Variants in ASPSCR1 observed in about 807,000 individuals in gnomAD.
The protein encoded by ASPSCR1 is tether containing UBX domain for GLUT4.
Under a neutral mutation model 68.9 loss-of-function variants are expected in ASPSCR1, and 55 were observed. The ratio of observed to expected loss-of-function variants is 0.80; its 90% CI spans 0.64 to 1.00. The LOEUF is 1.00. ASPSCR1 is among the 50% of genes least tolerant of loss of function. ASPSCR1 has a pLI of 0.00. For synonymous variants in ASPSCR1, 352 were observed against 332.6 expected (o/e 1.06, Z -0.63); for missense variants, 765 against 762.2 (o/e 1.00, Z -0.04).
At position 82,009,500 on chromosome 17, in the gene ASPSCR1, A is replaced by C. The variant is rs769008728; in HGVS notation, c.1103A>C (p.Glu368Ala). Residue 368 changes from glutamate to alanine, a missense_variant, in exon 9 of 16, where the codon GAA (glutamate) becomes GCA (alanine). Physicochemically the swap from Glu to Ala is moderately radical, Grantham distance 107. Transcript: ENST00000306739. The part of the protein sequence containing the change: ...QLKSERKRLE[E>A]APLVTKAFRE... ...CCTCACCACAGGAAGCGCCTGGAAG[A>C]AGCCCCCTTGGTGACCAAGGCCTTC... 37 of 1,582,708 alleles carry C rather than the reference A, an allele frequency of 2.3e-5. No individual in the cohort carries two copies. In the South Asian group the frequency reaches 4.3e-4, roughly 18 times the overall value.
At chr17:81,994,946 G>C (rs981605515) in intron 5 of ASPSCR1, 68 bp downstream of exon 5, 3 of 1,496,658 alleles carry the variant, frequency 2.0e-6, no homozygotes, top group African/African-American at 1.4e-5. Flanking sequence ...TGGAAAATCT[G>C]CTGTCCCGCA....
chr17:82,015,785 T>G, intron 12 of ASPSCR1: 1 of 212,978 alleles, frequency 4.7e-6, no homozygotes, highest in Non-Finnish European at 9.5e-6. Context: ...GCCCCCTTCC[T>G]GGCTCCCCAG....
chr17:81,994,584 C>T (rs556418187), intron 4 of ASPSCR1, among the ~76,000 whole-genome samples: 2 of 151,612 alleles, frequency 1.3e-5, no homozygotes, highest in African/African-American at 2.4e-5. Context: ...CCCCAGGCCA[C>T]GCACCACAGG....
chr17:81,978,137 A>G (rs1405473486), intron 1 of ASPSCR1: 1 of 157,918 alleles, frequency 6.3e-6, no homozygotes, highest in Non-Finnish European at 1.4e-5. Flanking sequence ...GCGCGGTGGC[A>G]GATGTCCCGG....
intron 12 of ASPSCR1, chr17:82,014,609 GCCTC>G (rs1462710346): frequency 1.2e-5 from 2 of 170,866 alleles, no homozygotes; most frequent in African/African-American, 4.8e-5. Flanking sequence ...CTGTGGTGCC[GCCTC>G]CCTCCCGGGC....
chr17:82,016,399 C>A, intron 12 of ASPSCR1, 77 bp from the exon 13 acceptor site: 1 of 1,359,132 alleles, frequency 7.4e-7, no homozygotes, highest in Non-Finnish European at 1.0e-6. Flanking sequence ...GGGCCTGGCC[C>A]TGGGGGTGTA....
chr17:81,984,194 G>T (rs769945901), intron 3 of ASPSCR1, among the ~76,000 whole-genome samples: 3 of 152,110 alleles, frequency 2.0e-5, no homozygotes, highest in Non-Finnish European at 2.9e-5. Context: ...TTTCTTTCTG[G>T]GGTCAGTTGT....
intron 7 of ASPSCR1, among the ~76,000 whole-genome samples, chr17:82,003,249 C>G (rs762224849): frequency 2.4e-4 from 37 of 152,334 alleles, no homozygotes; most frequent in Non-Finnish European, 4.9e-4. Flanking sequence ...GGTTTTAGAC[C>G]AGCCTGGGCA....
chr17:82,017,366 C>A lies in ASPSCR1; in HGVS notation c.*44C>A. The stretch of plus-strand genomic sequence containing the variant: ...GCCCACTCCGCCAGCCACAGGACCA[C>A]CTCCTCTGCCAGCAGGAATAAAGAC... On this transcript the variant is annotated 3_prime_UTR_variant, in exon 16 of 16. Transcript: ENST00000306739. 1 of 1,612,026 alleles carries A rather than the reference C, an allele frequency of 6.2e-7. No individual in the cohort carries two copies. Among genetic ancestry groups the A allele is most frequent in the South Asian group, 1.1e-5 (1 of 91,084 alleles).
At chr17:81,997,983 C>T (rs1004437827) in intron 7 of ASPSCR1, among the ~76,000 whole-genome samples, 7 of 151,828 alleles carry the variant, frequency 4.6e-5, no homozygotes, top group African/African-American at 1.7e-4. Context: ...TGTGCCACCA[C>T]GCCCAGCTAA....
At chr17:81,996,984 G>C (rs1432588886) in intron 7 of ASPSCR1, 138 bp downstream of exon 7, 4 of 1,486,548 alleles carry the variant, frequency 2.7e-6, no homozygotes, top group Admixed American at 2.3e-5. Flanking sequence ...GAACCCAAAC[G>C]CGGGGCTCTG....
rs374074151 is a variant in ASPSCR1, at chr17:82,017,273, G to A, written c.1649-36G>A. 9 of 1,609,602 alleles carry A rather than the reference G, an allele frequency of 5.6e-6. No individual in the cohort carries two copies. In the African/African-American group the frequency reaches 8.0e-5, roughly 14 times the overall value. On this transcript the variant is annotated intron_variant, in intron 15 of 15. Transcript: ENST00000306739. ...GCGGGTGGCCGGGTGGTGAGAGCCC[G>A]GGGTGTGTGGTCACCCTGATGTGTC...
chr17:81,987,514 C>T lies in ASPSCR1; in HGVS notation c.374+1907C>T, dbSNP rs76591849. ...ACAGGTGCTTGGTGAGGGCCGTCCT[C>T]CCTGGCTGTGCTGTCAGTCCTCAGA... On this transcript the variant is annotated intron_variant, in intron 4 of 15. Transcript: ENST00000306739. This position sits in a 1 kb window ranked among gnomAD's most constrained non-coding sequence, Gnocchi z 5.6. Among the ~76,000 whole-genome samples the T allele has an allele frequency of 0.024, 3,629 of 152,308 alleles. 44 individuals carry two copies. The highest frequency in any genetic ancestry group is 0.037 in the East Asian group (189 of 5,178).
At chr17:81,981,985 T>C (rs1456493014) in intron 2 of ASPSCR1, among the ~76,000 whole-genome samples, 1 of 148,870 alleles carries the variant, frequency 6.7e-6, no homozygotes, top group East Asian at 2.0e-4. Context: ...TTTCTTTTTT[T>C]TGAGACGGAG....
intron 5 of ASPSCR1, 38 bp downstream of exon 5, chr17:81,994,916 C>T (rs1445308517): frequency 5.1e-6 from 8 of 1,573,118 alleles, no homozygotes; most frequent in East Asian, 2.3e-5. Context: ...TCCCCGCTCA[C>T]TTTCAGCCCA....
intron 7 of ASPSCR1, among the ~76,000 whole-genome samples, chr17:82,003,834 G>A (rs1433056579): frequency 1.3e-5 from 2 of 152,248 alleles, no homozygotes; most frequent in South Asian, 2.1e-4. Flanking sequence ...GTGCTCCGCC[G>A]CCTGCCTCCG....
intron 15 of ASPSCR1, 44 bp downstream of exon 15, chr17:82,017,157 G>A (rs2043165880): frequency 1.3e-6 from 2 of 1,565,762 alleles, no homozygotes; most frequent in Non-Finnish European, 1.7e-6. Context: ...GCCGGGTGGA[G>A]GGCGGGGGTC....
intron 7 of ASPSCR1, chr17:82,006,854 C>T (rs1467333655): frequency 6.6e-6 from 1 of 152,346 alleles, no homozygotes; most frequent in Non-Finnish European, 1.5e-5. Flanking sequence ...CTGGGCAGAG[C>T]TCACCAGTCA....
chr17:82,012,440 C>T (rs548965999), intron 12 of ASPSCR1, among the ~76,000 whole-genome samples, 157 bp downstream of exon 12: 1 of 152,328 alleles, frequency 6.6e-6, no homozygotes, highest in South Asian at 2.1e-4. Context: ...GGCCGTGCGC[C>T]TCTGAAGTTG....
Sources: allele counts gnomAD v4.1 joint callset (sites outside exome capture counted in the v4.1 genomes callset), GRCh38; gene constraint gnomAD v4.1.1; non-coding constraint Gnocchi (gnomAD v3.1); transcripts MANE v1.5; gene names NCBI Gene and HGNC (gene_info 2026-07-23, HGNC 2026-07-21).